Variants in ADARB2 observed in about 807,000 individuals in gnomAD.
ADARB2 encodes adenosine deaminase RNA specific B2 (inactive).
In ADARB2, 25 loss-of-function variants were observed where a neutral mutation model predicts 62.2. The ratio of observed to expected loss-of-function variants is 0.40; its 90% CI spans 0.29 to 0.56. The LOEUF is 0.56. Among genes scored for constraint, ADARB2 ranks in the 20% least tolerant of loss-of-function variants. ADARB2 has a pLI of 0.43. For synonymous variants in ADARB2, 572 were observed against 500.8 expected, an observed-to-expected ratio of 1.14 and a Z score of -1.90; for missense variants, 1,071 against 1,077.4, an observed-to-expected ratio of 0.99 and a Z score of 0.08.
chr10:1,540,131 C>T (rs556130712), intron 1 of ADARB2, among the ~76,000 whole-genome samples: 48 of 152,228 alleles, frequency 3.2e-4, no homozygotes, highest in African/African-American at 8.9e-4. Context: ...ATCAAGGCCC[C>T]GATTCTCAAC....
chr10:1,724,205 G>A (rs1174750194), intron 1 of ADARB2, among the ~76,000 whole-genome samples: 1 of 152,210 alleles, frequency 6.6e-6, no homozygotes, highest in Non-Finnish European at 1.5e-5. Flanking sequence ...GCATGTGCCT[G>A]TGTGTCCTCA....
intron 1 of ADARB2, among the ~76,000 whole-genome samples, chr10:1,656,756 T>C (rs1834176677): frequency 6.6e-6 from 1 of 152,152 alleles, no homozygotes; most frequent in African/African-American, 2.4e-5. Flanking sequence ...AAGATAATAA[T>C]GGTAATTAAT....
chr10:1,553,868 C>T (rs1202237058), intron 1 of ADARB2, among the ~76,000 whole-genome samples: 1 of 152,188 alleles, frequency 6.6e-6, no homozygotes, highest in Non-Finnish European at 1.5e-5. Context: ...CAAACACAAA[C>T]CCTGCACCTC....
intron 1 of ADARB2, among the ~76,000 whole-genome samples, chr10:1,406,212 C>T (rs1228352218): frequency 6.6e-6 from 1 of 152,184 alleles, no homozygotes; most frequent in Non-Finnish European, 1.5e-5. Context: ...GGCCCTCACC[C>T]AGCTGCTCTC....
chr10:1,184,134 G>A (rs768251619), intron 9 of ADARB2, among the ~76,000 whole-genome samples: 3 of 152,194 alleles, frequency 2.0e-5, no homozygotes, highest in Non-Finnish European at 1.5e-5. Flanking sequence ...TGTCCTCTAA[G>A]TTGGCTAAAA....
rs532418733 is a variant in ADARB2 at position 1,337,351 on chromosome 10, C to T, written c.1077+25677G>A. Among the ~76,000 whole-genome samples, 155 of 152,234 alleles carry T rather than the reference C, an allele frequency of 1.0e-3. 1 individual carries two copies. Among genetic ancestry groups the T allele is most frequent in the Non-Finnish European group, 1.8e-3 (120 of 68,024 alleles). On this transcript the variant is annotated intron_variant, in intron 3 of 9. Coordinates refer to ENST00000381312, the MANE Select transcript of ADARB2 (RefSeq NM_018702.4). ...GCAATCAGAGAAGGTGCACACTCACCTTAGATGGCAGGCTGGGCTCAACTA... is the reference window on the plus strand; with the variant it reads ...GCAATCAGAGAAGGTGCACACTCACTTTAGATGGCAGGCTGGGCTCAACTA...
At chr10:1,449,052 G>A (rs1831005413) in intron 1 of ADARB2, among the ~76,000 whole-genome samples, 1 of 152,140 alleles carries the variant, frequency 6.6e-6, no homozygotes, top group East Asian at 1.9e-4. Context: ...CCTGCACACC[G>A]GGATTCAAGA....
intron 1 of ADARB2, among the ~76,000 whole-genome samples, chr10:1,439,298 A>G (rs1291632062): frequency 1.2e-4 from 15 of 123,854 alleles, no homozygotes; most frequent in South Asian, 6.3e-4. Flanking sequence ...GTCCTTCACT[A>G]TGGGGCTTCT....
intron 1 of ADARB2, among the ~76,000 whole-genome samples, chr10:1,544,389 C>T (rs1440199245): frequency 6.6e-6 from 1 of 152,206 alleles, no homozygotes; most frequent in African/African-American, 2.4e-5. Flanking sequence ...TGAGCAGCTC[C>T]ACTCCTTGGC....
intron 6 of ADARB2, among the ~76,000 whole-genome samples, chr10:1,217,904 C>T (rs1227041441): frequency 6.6e-6 from 1 of 152,126 alleles, no homozygotes; most frequent in Admixed American, 6.5e-5. Flanking sequence ...CTGTGGGTCC[C>T]TCAGGTGTTC....
chr10:1,693,222 G>A (rs1354355754), intron 1 of ADARB2, among the ~76,000 whole-genome samples: 1 of 152,114 alleles, frequency 6.6e-6, no homozygotes, highest in East Asian at 1.9e-4. Flanking sequence ...GACCTGCAAG[G>A]GGCCTTGGCA....
At chr10:1,539,852 CATT>C (rs1251147747) in intron 1 of ADARB2, among the ~76,000 whole-genome samples, 1 of 152,186 alleles carries the variant, frequency 6.6e-6, no homozygotes, top group Non-Finnish European at 1.5e-5. Flanking sequence ...TGCAACATAA[CATT>C]ATACAATTTT....
rs190348178 is a variant in ADARB2, at chr10:1,665,019, G to A, written c.100+72032C>T. On this transcript the variant is annotated intron_variant, in intron 1 of 9. Coordinates refer to ENST00000381312, the MANE Select transcript of ADARB2 (RefSeq NM_018702.4). ...CATGAGATTCAAGGTGAGTCATGCCGACACCTTGACCAGGGGCAAGGGGGA... is the reference window on the plus strand; with the variant it reads ...CATGAGATTCAAGGTGAGTCATGCCAACACCTTGACCAGGGGCAAGGGGGA... 7.4e-4 allele frequency among the ~76,000 whole-genome samples: 112 copies of A among 152,222 alleles called. 1 individual carries two copies. Among genetic ancestry groups the A allele is most frequent in the Non-Finnish European group, 1.2e-4 (8 of 68,010 alleles).
chr10:1,710,296 G>A (rs999200781), intron 1 of ADARB2, among the ~76,000 whole-genome samples: 7 of 152,174 alleles, frequency 4.6e-5, no homozygotes. Context: ...CCAAGCATTG[G>A]AACTGTCCTC....
At chr10:1,521,348 C>T (rs1165062581) in intron 1 of ADARB2, among the ~76,000 whole-genome samples, 13 of 152,128 alleles carry the variant, frequency 8.5e-5, no homozygotes, top group Admixed American at 6.5e-4. Flanking sequence ...ACCACCTGTA[C>T]TGTCTTAGAC....
chr10:1,641,971 C>G (rs918935049), intron 1 of ADARB2, among the ~76,000 whole-genome samples: 1 of 152,048 alleles, frequency 6.6e-6, no homozygotes, highest in Non-Finnish European at 1.5e-5. Context: ...CGAGATGGTG[C>G]CACTGCACTC....
intron 1 of ADARB2, among the ~76,000 whole-genome samples, chr10:1,625,528 T>A (rs1444180040): frequency 2.0e-5 from 3 of 151,560 alleles, no homozygotes; most frequent in Non-Finnish European, 2.9e-5. Flanking sequence ...CCTCTGGAGG[T>A]GCAGGGCTTG....
At chr10:1,522,909 A>C (rs1832090860) in intron 1 of ADARB2, among the ~76,000 whole-genome samples, 1 of 152,098 alleles carries the variant, frequency 6.6e-6, no homozygotes, top group Admixed American at 6.5e-5. Context: ...TCCAGTCCCC[A>C]TGGCAGGAGC....
intron 1 of ADARB2, among the ~76,000 whole-genome samples, chr10:1,458,385 C>T (rs1196061918): frequency 6.6e-6 from 1 of 152,114 alleles, no homozygotes; most frequent in East Asian, 1.9e-4. Flanking sequence ...GCTTCTCTTT[C>T]TCTGATGAAA....
Sources: allele counts gnomAD v4.1 joint callset (sites outside exome capture counted in the v4.1 genomes callset), GRCh38; gene constraint gnomAD v4.1.1; transcripts MANE v1.5; gene names NCBI Gene and HGNC (gene_info 2026-07-23, HGNC 2026-07-21).